Variants in HNF4A observed in about 807,000 individuals in gnomAD.
HNF4A encodes hepatocyte nuclear factor 4 alpha, also known as hepatocyte nuclear factor 4-alpha.
A neutral mutation model predicts 52.4 loss-of-function variants in HNF4A; 15 were observed. The ratio of observed to expected loss-of-function variants is 0.29; its 90% CI spans 0.19 to 0.44. The LOEUF is 0.44. Ranked by LOEUF, HNF4A falls within the 20% of genes least tolerant of loss-of-function variation. The pLI, the probability that HNF4A is intolerant of heterozygous loss-of-function variation, is 1.00. For missense variants in HNF4A, 479 were observed against 647.2 expected (o/e 0.74, Z 2.82); for synonymous variants, 280 against 264.4 (o/e 1.06, Z -0.57).
intron 1 of HNF4A, among the ~76,000 whole-genome samples, chr20:44,378,507 A>G (rs2146236681): frequency 6.6e-6 from 1 of 152,226 alleles, no homozygotes; most frequent in African/African-American, 2.4e-5. Flanking sequence ...ACCAAAGGTG[A>G]TCCATCCACC....
chr20:44,404,657 CTGTGTGCATGTGTGGACTGTGTGTATG>C (rs2063458754), intron 1 of HNF4A, among the ~76,000 whole-genome samples: 2 of 148,096 alleles, frequency 1.4e-5, no homozygotes, highest in East Asian at 4.0e-4. Flanking sequence ...TGTATGTGGA[CTGTGTGCATGTGTGGACTGTGTGTATG>C]TGTGTGCATG....
chr20:44,427,393 G>A (rs2063826149), intron 8 of HNF4A, among the ~76,000 whole-genome samples: 1 of 152,318 alleles, frequency 6.6e-6, no homozygotes, highest in East Asian at 1.9e-4. Context: ...TAGGATTGCT[G>A]TGAGGATTAA....
chr20:44,426,467 AT>A (rs1489384384), intron 8 of HNF4A, among the ~76,000 whole-genome samples: 3 of 152,112 alleles, frequency 2.0e-5, no homozygotes, highest in African/African-American at 7.2e-5. Flanking sequence ...CAAGGGAGTG[AT>A]TAGAATGATA....
At chr20:44,374,317 C>T (rs6017332) in intron 1 of HNF4A, among the ~76,000 whole-genome samples, 2,554 of 152,180 alleles carry the variant, frequency 0.017, 64 homozygotes, top group African/African-American at 0.057. Context: ...GACTTTGTTC[C>T]CTTTTTTATT....
At position 44,429,845 on chromosome 20, in the gene HNF4A, G is replaced by T. The variant is rs568037328; in HGVS notation, c.*180G>T. 13 of 639,478 alleles carry T rather than the reference G, an allele frequency of 2.0e-5. No individual in the cohort carries two copies. Among genetic ancestry groups the T allele is most frequent in the Non-Finnish European group, 3.0e-5 (11 of 368,916 alleles). The allele number at this position is 639,478 out of a possible 1,614,324, so 39.6% of individuals were successfully genotyped here. ...GCCACATCCCACTGCCACCCTTGAC[G>T]CCCTGCTCTGGATAACAAGACTTTG... On this transcript the variant is annotated 3_prime_UTR_variant, in exon 10 of 10. Coordinates refer to ENST00000316099, the MANE Select transcript of HNF4A (RefSeq NM_000457.6).
intron 1 of HNF4A, among the ~76,000 whole-genome samples, chr20:44,386,329 G>A (rs532354215): frequency 1.3e-4 from 19 of 151,596 alleles, no homozygotes; most frequent in African/African-American, 4.1e-4. Context: ...TACCACGCTC[G>A]GCTAATTTTG....
chr20:44,392,457 A>G (rs545193671), intron 1 of HNF4A, among the ~76,000 whole-genome samples: 1 of 152,254 alleles, frequency 6.6e-6, no homozygotes, highest in Admixed American at 6.5e-5. Flanking sequence ...CCCTACCCCA[A>G]GATTCGATCA....
chr20:44,405,106 AGCGTGTGTGCGTG>A (rs1300847027), intron 1 of HNF4A, among the ~76,000 whole-genome samples: 1 of 4,166 alleles, frequency 2.4e-4, no homozygotes, highest in African/African-American at 1.0e-3. Flanking sequence ...GCTTGTGCGT[AGCGTGTGTGCGTG>A]TGTGTGGACT....
At chr20:44,424,303 G>A (rs2063789008) in intron 8 of HNF4A, 49 bp downstream of exon 8, 7 of 1,606,818 alleles carry the variant, frequency 4.4e-6, no homozygotes, top group Non-Finnish European at 5.1e-6. Context: ...GACTCCCCAG[G>A]AGACAGGCCT....
chr20:44,401,844 A>T lies in HNF4A; in HGVS notation c.115+357A>T, dbSNP rs2071198. On this transcript the variant is annotated intron_variant, in intron 1 of 9. Coordinates refer to ENST00000316099, the MANE Select transcript of HNF4A (RefSeq NM_000457.6). ...CCCAGCTCCAGCGATTCAGCCCAGC[A>T]CGGCCCCTTCGTGAACCCCTTGGGC... Among the ~76,000 whole-genome samples, 651 of 152,184 alleles carry T rather than the reference A, an allele frequency of 4.3e-3. 7 individuals carry two copies. Among genetic ancestry groups the T allele is most frequent in the East Asian group, 0.035 (178 of 5,150 alleles).
chr20:44,393,161 G>A (rs1449376632), intron 1 of HNF4A, among the ~76,000 whole-genome samples: 2 of 152,140 alleles, frequency 1.3e-5, no homozygotes, highest in South Asian at 2.1e-4. Flanking sequence ...CAGCCTTCAG[G>A]CCCCACAAGG....
At chr20:44,358,816 T>G (rs2062887442) in intron 1 of HNF4A, among the ~76,000 whole-genome samples, 2 of 152,028 alleles carry the variant, frequency 1.3e-5, no homozygotes, top group African/African-American at 4.8e-5. Flanking sequence ...GATCCATGAG[T>G]GCTTAGAACA....
intron 4 of HNF4A, among the ~76,000 whole-genome samples, chr20:44,414,150 G>A (rs544604675): frequency 8.9e-4 from 135 of 152,332 alleles, no homozygotes; most frequent in African/African-American, 3.0e-3. Context: ...CCCTTGCTGA[G>A]TGACCTTGGG....
At chr20:44,367,382 A>G (rs960484475) in intron 1 of HNF4A, among the ~76,000 whole-genome samples, 3 of 151,812 alleles carry the variant, frequency 2.0e-5, no homozygotes, top group Non-Finnish European at 2.9e-5. Context: ...ACGGTGGCTA[A>G]CACCTGTAAT....
At chr20:44,426,649 A>C (rs1367409223) in intron 8 of HNF4A, among the ~76,000 whole-genome samples, 2 of 151,362 alleles carry the variant, frequency 1.3e-5, no homozygotes, top group African/African-American at 4.9e-5. Context: ...CTAAAAATAC[A>C]AAAAAAAATT....
intron 1 of HNF4A, among the ~76,000 whole-genome samples, chr20:44,393,105 G>A (rs1346031589): frequency 6.6e-6 from 1 of 152,204 alleles, no homozygotes; most frequent in Non-Finnish European, 1.5e-5. Context: ...TGTGGGCTCA[G>A]CCCTCACTCC....
chr20:44,402,444 G>A (rs1417346038), intron 1 of HNF4A: 1 of 564,030 alleles, frequency 1.8e-6, no homozygotes. Flanking sequence ...GCGGGCGGGG[G>A]TCAGCGGTCT....
At chr20:44,386,236 C>T (rs891890525) in intron 1 of HNF4A, among the ~76,000 whole-genome samples, 8 of 147,548 alleles carry the variant, frequency 5.4e-5, no homozygotes, top group African/African-American at 2.0e-4. Context: ...GGCACGATCC[C>T]GGCTCACCAC....
chr20:44,388,641 G>T (rs991012654), intron 1 of HNF4A, among the ~76,000 whole-genome samples: 4 of 152,106 alleles, frequency 2.6e-5, no homozygotes, highest in African/African-American at 9.7e-5. Context: ...TGCTGTGATT[G>T]GTGAAGTCCC....
Sources: gnomAD v4.1 joint callset for allele counts (sites outside exome capture counted in the v4.1 genomes callset) on GRCh38, gnomAD v4.1.1 for gene constraint, MANE v1.5 for transcripts, NCBI Gene and HGNC (gene_info 2026-07-23, HGNC 2026-07-21) for gene names.